Variants in KIF3B observed in about 807,000 individuals in gnomAD.
KIF3B encodes kinesin family member 3B.
KIF3B carries 38 observed loss-of-function variants against 74.3 expected under a neutral mutation model. The ratio of observed to expected loss-of-function variants is 0.51; its 90% CI spans 0.39 to 0.67. The LOEUF is 0.67. KIF3B is among the 30% of genes least tolerant of loss of function. The pLI is 0.00. For missense variants in KIF3B, 649 were observed against 932.0 expected, an observed-to-expected ratio of 0.70 and a Z score of 3.95; for synonymous variants, 326 against 342.5, an observed-to-expected ratio of 0.95 and a Z score of 0.53.
Position 32,310,969 on chromosome 20 carries a change from G to T in KIF3B, c.1192G>T (p.Glu398Ter), listed in dbSNP as rs760488153. ...TGGTGGGGGTGGGGAAGAGGAGGAG[G>T]AGGAGGGAGAAGAGGGTGAGGAGGA... ...GSGGGGEEEE[E>*]EGEEGEEEGD... is the part of the protein sequence containing the mutation. The change falls in exon 2 of 9, where the codon GAG becomes TAG. Residue 398 changes from glutamate to a stop codon, truncating the protein, a stop_gained. Coordinates refer to ENST00000375712, the MANE Select transcript of KIF3B (RefSeq NM_004798.4). LOFTEE classifies it high-confidence loss of function. This position sits in a 1 kb window ranked among gnomAD's most constrained non-coding sequence, Gnocchi z 6.5. The T allele has an allele frequency of 6.2e-7, 1 of 1,613,010 alleles. No homozygotes were observed. Among genetic ancestry groups the T allele is most frequent in the East Asian group, 2.2e-5 (1 of 44,864 alleles).
At position 32,327,554 on chromosome 20, in the gene KIF3B, A is replaced by G; in HGVS notation, c.1863-2A>G. On this transcript the variant is annotated splice_acceptor_variant, in intron 6 of 8. Transcript: ENST00000375712. LOFTEE classifies it high-confidence loss of function. Reference sequence around the variant, plus strand: ...GGCTTTAACACTGCAGTTCATTTCCAGGAACCAGCAGATGATGAAGCGGCC... The same window carrying G: ...GGCTTTAACACTGCAGTTCATTTCCGGGAACCAGCAGATGATGAAGCGGCC... 1 of 1,612,476 alleles carries G rather than the reference A, an allele frequency of 6.2e-7. No homozygotes were observed. The highest frequency in any genetic ancestry group is 8.5e-7 in the Non-Finnish European group (1 of 1,178,856).
intron 2 of KIF3B, among the ~76,000 whole-genome samples, chr20:32,312,194 T>A (rs1218935034): frequency 1.3e-5 from 2 of 150,276 alleles, no homozygotes; most frequent in Non-Finnish European, 1.5e-5. Context: ...AGCCTTGACC[T>A]CCTAGGCTCA....
At position 32,309,898 on chromosome 20, in the gene KIF3B, G is replaced by T. The variant is rs760226096; in HGVS notation, c.121G>T (p.Val41Leu). 1 of 1,614,196 alleles carries T rather than the reference G, an allele frequency of 6.2e-7. No homozygotes were observed. Among genetic ancestry groups the T allele is most frequent in the Admixed American group, 1.7e-5 (1 of 60,016 alleles). The change falls in exon 2 of 9, where the codon GTG (valine) becomes TTG (leucine). Residue 41 changes from valine (V) to leucine (L), a missense_variant. Val to Leu is a conservative substitution (Grantham distance 32). Around this residue, in one of 4 missense-constraint regions of KIF3B, gnomAD observed 96 missense variants for 119.0 expected, o/e 0.81. Coordinates refer to ENST00000375712, the MANE Select transcript of KIF3B (RefSeq NM_004798.4). Reference protein sequence around the residue: ...VVDVDVKLGQVSVKNPKGTAH... With the variant: ...VVDVDVKLGQLSVKNPKGTAH... ...GGATGTGGATGTTAAGCTGGGGCAG[G>T]TGTCTGTGAAGAACCCCAAAGGGAC... is the stretch of plus-strand genomic sequence containing the variant.
intron 1 of KIF3B, among the ~76,000 whole-genome samples, chr20:32,280,479 C>T (rs1398260333): frequency 1.3e-5 from 2 of 151,816 alleles, no homozygotes. Flanking sequence ...CTTTGGGAGG[C>T]CAAGACGGGT....
rs1252802025 is a variant in KIF3B, at chr20:32,332,764, T to TA, written c.*1446dup. On this transcript the variant is annotated 3_prime_UTR_variant, in exon 9 of 9. Coordinates refer to ENST00000375712, the MANE Select transcript of KIF3B (RefSeq NM_004798.4). Reference sequence around the variant, plus strand: ...CCAAGAACTTGCCCAATTTTAGAAATACACTAATGTGCAGTTGTTGCCTTT... The same window carrying TA: ...CCAAGAACTTGCCCAATTTTAGAAATAACACTAATGTGCAGTTGTTGCCTTT... 2 of 152,364 alleles carry TA rather than the reference T, an allele frequency of 1.3e-5. No homozygotes were observed. Among genetic ancestry groups the TA allele is most frequent in the Non-Finnish European group, 2.9e-5 (2 of 68,036 alleles). The allele number at this position is 152,364 out of a possible 1,614,324, so 9.4% of individuals were successfully genotyped here. A position where few individuals can be genotyped will look rare whatever the true frequency, so the allele number is the denominator to read the frequency against.
chr20:32,301,716 T>C (rs2047745235), intron 1 of KIF3B, among the ~76,000 whole-genome samples: 2 of 152,138 alleles, frequency 1.3e-5, no homozygotes. Flanking sequence ...ATGAAATGTT[T>C]TAGATAGAAT....
intron 1 of KIF3B, among the ~76,000 whole-genome samples, chr20:32,304,525 G>C (rs944228255): frequency 1.7e-4 from 26 of 152,276 alleles, no homozygotes; most frequent in African/African-American, 5.8e-4. Context: ...CAGAATATCA[G>C]AAACAGCTGA....
At chr20:32,285,113 A>C (rs1438675024) in intron 1 of KIF3B, among the ~76,000 whole-genome samples, 4 of 152,054 alleles carry the variant, frequency 2.6e-5, no homozygotes, top group Non-Finnish European at 5.9e-5. Context: ...AAAAAAAAAA[A>C]AAACAGTGAC....
At chr20:32,292,442 A>G (rs1471278555) in intron 1 of KIF3B, among the ~76,000 whole-genome samples, 1 of 151,926 alleles carries the variant, frequency 6.6e-6, no homozygotes, top group Non-Finnish European at 1.5e-5. Flanking sequence ...TTCTACAAAC[A>G]ATTTTAAAAA....
chr20:32,284,896 T>C, intron 1 of KIF3B, among the ~76,000 whole-genome samples: 1 of 152,188 alleles, frequency 6.6e-6, no homozygotes, highest in East Asian at 1.9e-4. Context: ...ACACCAATCC[T>C]GTAACACAGA....
Position 32,311,136 on chromosome 20 carries a change from G to A in KIF3B, c.1359G>A (p.Leu453=), listed in dbSNP as rs79821422. 4 of 1,612,672 alleles carry A rather than the reference G, an allele frequency of 2.5e-6. No individual in the cohort carries two copies. Among genetic ancestry groups the A allele is most frequent in the Non-Finnish European group, 3.4e-6 (4 of 1,179,556 alleles). The change falls in exon 2 of 9, where the codon CTG becomes CTA. Residue 453 remains leucine (L), a synonymous_variant. Coordinates refer to ENST00000375712, the MANE Select transcript of KIF3B (RefSeq NM_004798.4). The part of the protein sequence containing the change: ...LKEKEKKMED[L]RREKDAAEML... ...AGAAAGAGAAAAAGATGGAGGACCTGCGGCGGGAGAAGGATGCTGCCGAGA... is the reference window on the plus strand; with the variant it reads ...AGAAAGAGAAAAAGATGGAGGACCTACGGCGGGAGAAGGATGCTGCCGAGA...
In KIF3B at chr20:32,306,822, T is replaced by A. The variant is rs1007072739; in HGVS notation, c.-65-2891T>A. On this transcript the variant is annotated intron_variant, in intron 1 of 8. Coordinates refer to ENST00000375712, the MANE Select transcript of KIF3B (RefSeq NM_004798.4). ...GTTGGCCCAGATGGTCTTGATCTCT[T>A]GACCTTGTGATCCACCTACCTCAGC... Among the ~76,000 whole-genome samples, 6 of 152,162 alleles carry A rather than the reference T, an allele frequency of 3.9e-5. No homozygotes were observed. The East Asian group carries it at 9.7e-4, about 25-fold the overall frequency.
chr20:32,302,768 G>A (rs1254016095), intron 1 of KIF3B, among the ~76,000 whole-genome samples: 3 of 152,094 alleles, frequency 2.0e-5, no homozygotes, highest in Non-Finnish European at 4.4e-5. Context: ...ATCAGCTTTG[G>A]CAGGCGTCTG....
At chr20:32,311,865 C>G (rs6141668) in intron 2 of KIF3B, among the ~76,000 whole-genome samples, 2 of 147,048 alleles carry the variant, frequency 1.4e-5, no homozygotes, top group East Asian at 4.1e-4. Context: ...TGCAGTGGCG[C>G]GATCTCGGCT....
intron 2 of KIF3B, among the ~76,000 whole-genome samples, chr20:32,312,887 C>T (rs1028099506): frequency 6.6e-6 from 1 of 152,204 alleles, no homozygotes; most frequent in Non-Finnish European, 1.5e-5. Context: ...CACCTCGCAG[C>T]AGGGTATCAG....
chr20:32,300,435 G>A (rs368520949), intron 1 of KIF3B, among the ~76,000 whole-genome samples: 2 of 151,804 alleles, frequency 1.3e-5, no homozygotes, highest in Admixed American at 6.6e-5. Flanking sequence ...CCACCACCAC[G>A]CCCCCAATTT....
intron 5 of KIF3B, among the ~76,000 whole-genome samples, chr20:32,320,689 A>T (rs902942061): frequency 6.6e-6 from 1 of 151,922 alleles, no homozygotes; most frequent in African/African-American, 2.4e-5. Flanking sequence ...CTAATTTTTT[A>T]AAATTTTTTC....
chr20:32,301,140 T>C (rs1409642441), intron 1 of KIF3B, among the ~76,000 whole-genome samples: 3 of 137,868 alleles, frequency 2.2e-5, no homozygotes, highest in African/African-American at 8.1e-5. Flanking sequence ...CAGGCTGGAG[T>C]GCAGTGGCGC....
intron 5 of KIF3B, among the ~76,000 whole-genome samples, chr20:32,317,729 G>A (rs978743994): frequency 2.7e-5 from 4 of 149,328 alleles, no homozygotes; most frequent in Non-Finnish European, 4.4e-5. Flanking sequence ...CCTGTAACTT[G>A]TGGGCTCAAA....
Sources: gnomAD v4.1 joint callset for allele counts (sites outside exome capture counted in the v4.1 genomes callset) on GRCh38, gnomAD v4.1.1 for gene constraint, gnomAD v4.1.1 regional missense constraint, Gnocchi (gnomAD v3.1) non-coding constraint, MANE v1.5 for transcripts, NCBI Gene and HGNC (gene_info 2026-07-23, HGNC 2026-07-21) for gene names.